ARHGAP15: variants seen among roughly 807,000 people sequenced by gnomAD.
ARHGAP15 encodes the protein Rho GTPase activating protein 15.
A neutral mutation model predicts 63.7 loss-of-function variants in ARHGAP15; 51 were observed. The observed-to-expected ratio is 0.80, with a 90% CI of 0.64 to 1.01. The LOEUF is 1.01. ARHGAP15 is among the 50% of genes least tolerant of loss of function. The probability of loss-of-function intolerance (pLI) is 0.00; values close to 1 mark genes in which losing one functional copy is unlikely to be tolerated. For missense variants in ARHGAP15, 560 were observed against 564.6 expected, an observed-to-expected ratio of 0.99 and a Z score of 0.08; for synonymous variants, 191 against 193.8, an observed-to-expected ratio of 0.99 and a Z score of 0.12.
Position 143,236,134 on chromosome 2 carries a change from T to TTTTTG in ARHGAP15, c.384+7481_384+7485dup, listed in dbSNP as rs556349506. ...TACCAGGTGTCATATAATTTTTTTCTTTTTGTTTTGTTTTGTTTTTACATT... is the reference window on the plus strand; with the variant it reads ...TACCAGGTGTCATATAATTTTTTTCTTTTTGTTTTGTTTTGTTTTGTTTTTACATT... On this transcript the variant is annotated intron_variant, in intron 5 of 13. Coordinates refer to ENST00000295095, the MANE Select transcript of ARHGAP15 (RefSeq NM_018460.4). 1.0e-3 allele frequency: 922 copies of TTTTTG among 904,814 alleles called. 1 individual carries two copies. The highest frequency in any genetic ancestry group is 2.7e-3 in the Admixed American group (72 of 26,754). 56.0% of individuals were successfully genotyped at this position (904,814 alleles called of 1,614,324 possible).
At chr2:143,520,685 A>G (rs138883467) in intron 10 of ARHGAP15, among the ~76,000 whole-genome samples, 160 of 152,312 alleles carry the variant, frequency 1.1e-3, no homozygotes, top group African/African-American at 3.8e-3. Context: ...TTTGGTAAGT[A>G]CTTAAAGACA....
In ARHGAP15 at chr2:143,269,589, T is replaced by A. The variant is rs1681167700; in HGVS notation, c.474+18989T>A. Among the ~76,000 whole-genome samples the A allele has an allele frequency of 3.3e-5, 5 of 152,200 alleles. No individual in the cohort carries two copies. In the South Asian group the frequency reaches 1.0e-3, roughly 31 times the overall value. The stretch of plus-strand genomic sequence containing the variant: ...TCCATGAAGATGAAGCACAAAATAA[T>A]CCTGAATTTTAAATCTCTGAGTTGG... On this transcript the variant is annotated intron_variant, in intron 6 of 13. Coordinates refer to ENST00000295095, the MANE Select transcript of ARHGAP15 (RefSeq NM_018460.4).
intron 1 of ARHGAP15, among the ~76,000 whole-genome samples, chr2:143,143,555 G>C (rs1055960505): frequency 1.4e-5 from 2 of 145,876 alleles, no homozygotes; most frequent in Non-Finnish European, 3.0e-5. Context: ...ATCAAGGAGA[G>C]CTATTTTCTT....
chr2:143,750,879 C>T (rs558903148), intron 13 of ARHGAP15, among the ~76,000 whole-genome samples: 38 of 152,216 alleles, frequency 2.5e-4, no homozygotes, highest in Middle Eastern at 3.4e-3. Context: ...ACAGATATAG[C>T]GTGATGATTT....
intron 8 of ARHGAP15, among the ~76,000 whole-genome samples, chr2:143,476,016 T>C (rs960515146): frequency 7.2e-5 from 11 of 152,204 alleles, no homozygotes; most frequent in Non-Finnish European, 1.6e-4. Context: ...TTATCAAAAG[T>C]GACTCATGTG....
intron 6 of ARHGAP15, among the ~76,000 whole-genome samples, chr2:143,338,149 T>G (rs948324855): frequency 6.6e-6 from 1 of 152,140 alleles, no homozygotes; most frequent in Non-Finnish European, 1.5e-5. Context: ...TTGAGAGCCT[T>G]TAGAAGAGAT....
chr2:143,200,620 A>C (rs1692076057), intron 2 of ARHGAP15, among the ~76,000 whole-genome samples: 1 of 151,928 alleles, frequency 6.6e-6, no homozygotes, highest in Middle Eastern at 3.2e-3. Context: ...AGTAAATATG[A>C]AACAATATTA....
intron 12 of ARHGAP15, among the ~76,000 whole-genome samples, chr2:143,625,563 A>G (rs2105243829): frequency 6.6e-6 from 1 of 152,168 alleles, no homozygotes; most frequent in Admixed American, 6.5e-5. Flanking sequence ...CCTTGTCGTG[A>G]CTTCATCTCA....
chr2:143,656,189 G>T (rs918306151), intron 12 of ARHGAP15: 1 of 152,088 alleles, frequency 6.6e-6, no homozygotes, highest in African/African-American at 2.4e-5. Context: ...CACAGATCTA[G>T]AGTAAAAAGA....
chr2:143,520,730 T>C (rs1041008674), intron 10 of ARHGAP15, among the ~76,000 whole-genome samples: 7 of 152,192 alleles, frequency 4.6e-5, no homozygotes, highest in African/African-American at 1.7e-4. Flanking sequence ...AAGTTATTAT[T>C]TCCAATAACT....
intron 13 of ARHGAP15, among the ~76,000 whole-genome samples, chr2:143,760,386 T>C (rs1358821185): frequency 6.6e-6 from 1 of 152,186 alleles, no homozygotes; most frequent in Non-Finnish European, 1.5e-5. Flanking sequence ...TTATCTACTA[T>C]GTCAGGGTTT....
At chr2:143,416,698 C>A (rs531835100) in intron 6 of ARHGAP15, among the ~76,000 whole-genome samples, 3 of 152,278 alleles carry the variant, frequency 2.0e-5, no homozygotes, top group Non-Finnish European at 2.9e-5. Context: ...TTTAGTGCAT[C>A]TGTAATTGTT....
intron 1 of ARHGAP15, among the ~76,000 whole-genome samples, chr2:143,146,294 A>G (rs1574007715): frequency 6.6e-6 from 1 of 152,098 alleles, no homozygotes; most frequent in Non-Finnish European, 1.5e-5. Context: ...CTTAAAAACA[A>G]GCAAAAGTAT....
chr2:143,598,648 G>A lies in ARHGAP15; in HGVS notation c.1004-25485G>A, dbSNP rs565261699. 2.1e-4 allele frequency among the ~76,000 whole-genome samples: 32 copies of A among 152,130 alleles called. 1 individual carries two copies. The highest frequency in any genetic ancestry group is 4.7e-4 in the Non-Finnish European group (32 of 68,026). ...GGGCTGGGCTCAGTAGTTCACACCT[G>A]TAATAGCAGCATTTTGGGAAGCTGA... On this transcript the variant is annotated intron_variant, in intron 11 of 13. Coordinates refer to ENST00000295095, the MANE Select transcript of ARHGAP15 (RefSeq NM_018460.4).
rs200830276 is a variant in ARHGAP15, at chr2:143,245,620, TC to T, written c.385-4890del. The stretch of plus-strand genomic sequence containing the variant: ...AGTTGATGCTTGCTTTTCTTCTTCT[TC>T]TTTTTTTTTTTTAAACGGGTAATGA... On this transcript the variant is annotated intron_variant, in intron 5 of 13. Transcript: ENST00000295095. 3.8e-3 allele frequency among the ~76,000 whole-genome samples: 573 copies of T among 150,632 alleles called. 4 individuals are homozygous for T. The highest frequency in any genetic ancestry group is 0.013 in the African/African-American group (523 of 40,976).
chr2:143,295,295 A>G (rs895892060), intron 6 of ARHGAP15: 1 of 151,986 alleles, frequency 6.6e-6, no homozygotes, highest in African/African-American at 2.4e-5. Context: ...TGTACAACTC[A>G]CTCTCACCCT....
intron 6 of ARHGAP15, among the ~76,000 whole-genome samples, chr2:143,363,915 C>T (rs1686174993): frequency 6.6e-6 from 1 of 152,118 alleles, no homozygotes; most frequent in Admixed American, 6.6e-5. Context: ...CATGGGAAAT[C>T]AAGTTTGAAC....
At chr2:143,154,151 T>A (rs965105629) in intron 1 of ARHGAP15, among the ~76,000 whole-genome samples, 83 of 151,892 alleles carry the variant, frequency 5.5e-4, no homozygotes, top group Middle Eastern at 6.8e-3. Context: ...CTGATCCTCA[T>A]TTTTTTCTTA....
intron 6 of ARHGAP15, among the ~76,000 whole-genome samples, chr2:143,310,976 A>G (rs189630922): frequency 5.3e-4 from 81 of 152,176 alleles, no homozygotes; most frequent in Non-Finnish European, 5.7e-4. Context: ...GAAAACCTAC[A>G]GAACTTAAGC....
Sources: allele counts gnomAD v4.1 joint callset (sites outside exome capture counted in the v4.1 genomes callset), GRCh38; gene constraint gnomAD v4.1.1; transcripts MANE v1.5; gene names NCBI Gene and HGNC (gene_info 2026-07-23, HGNC 2026-07-21).